The following C10orf90 variants were observed in gnomAD, a reference collection of about 807,000 sequenced individuals.
C10orf90 encodes the protein chromosome 10 open reading frame 90.
Under a neutral mutation model 62.5 loss-of-function variants are expected in C10orf90, and 56 were observed. The ratio of observed to expected loss-of-function variants is 0.90; its 90% confidence interval spans 0.72 to 1.12. The LOEUF (loss-of-function observed/expected upper bound fraction) is 1.12. C10orf90 is among the 50% of genes most tolerant of loss of function. The pLI, the probability that C10orf90 is intolerant of heterozygous loss-of-function variation, is 0.00. For synonymous variants in C10orf90, 386 were observed against 340.4 expected (o/e 1.13, Z -1.47); for missense variants, 970 against 880.4 (o/e 1.10, Z -1.29).
At chr10:126,666,857 G>T (rs1234395354) in intron 1 of C10orf90, among the ~76,000 whole-genome samples, 1 of 151,476 alleles carries the variant, frequency 6.6e-6, no homozygotes, top group Non-Finnish European at 1.5e-5. Context: ...GCGGGTGCTT[G>T]TAATCCCAGC....
At chr10:126,587,885 A>C (rs79099962) in intron 2 of C10orf90, among the ~76,000 whole-genome samples, 2,568 of 152,310 alleles carry the variant, frequency 0.017, 60 homozygotes, top group African/African-American at 0.059. Flanking sequence ...TTGAATTACA[A>C]TTGTGAGCCA....
At chr10:126,442,429 A>G (rs1858402564) in intron 7 of C10orf90, among the ~76,000 whole-genome samples, 1 of 135,434 alleles carries the variant, frequency 7.4e-6, no homozygotes, top group South Asian at 2.4e-4. Flanking sequence ...AATAGACCTA[A>G]GAAATGAGAC....
At chr10:126,585,288 A>C (rs80039854) in intron 2 of C10orf90, among the ~76,000 whole-genome samples, 231 of 150,648 alleles carry the variant, frequency 1.5e-3, no homozygotes, top group African/African-American at 5.4e-3. Flanking sequence ...AGAAACAAAG[A>C]AAGCAAGCAA....
rs138711314 is a variant in C10orf90 at position 126,443,068 on chromosome 10, A to C, written c.2189-13218T>G. Among the ~76,000 whole-genome samples, 1,144 of 152,206 alleles carry C rather than the reference A, an allele frequency of 7.5e-3. 11 individuals carry two copies. Among genetic ancestry groups the C allele is most frequent in the African/African-American group, 0.026 (1,074 of 41,550 alleles). ...CCTACATCAAAAAGACTGAAAGAGC[A>C]CAAACTGACATTCTAACGTCGTCAC... On this transcript the variant is annotated intron_variant, in intron 7 of 9. Transcript: ENST00000488181.
At chr10:126,615,616 CT>C (rs772869061) in intron 2 of C10orf90, among the ~76,000 whole-genome samples, 4 of 152,236 alleles carry the variant, frequency 2.6e-5, no homozygotes, top group Non-Finnish European at 5.9e-5. Context: ...CCCCCCTAAG[CT>C]TTCTTTCAGT....
At chr10:126,557,995 C>T (rs1056648579) in intron 2 of C10orf90, among the ~76,000 whole-genome samples, 8 of 152,148 alleles carry the variant, frequency 5.3e-5, no homozygotes, top group African/African-American at 1.7e-4. Flanking sequence ...GCCAATGATG[C>T]AGTCCTGCTG....
chr10:126,436,662 T>A (rs901815724), intron 7 of C10orf90, among the ~76,000 whole-genome samples: 2 of 152,278 alleles, frequency 1.3e-5, no homozygotes, highest in South Asian at 2.1e-4. Flanking sequence ...AATCATTTTT[T>A]AAAAACTTTT....
chr10:126,428,038 T>C lies in C10orf90; in HGVS notation c.2252+1749A>G, dbSNP rs576463691. ...TCCCAAATAAATCATGGTCCATCTA[T>C]ACGATGGACCACTCTGCAGACAGTC... On this transcript the variant is annotated intron_variant, in intron 8 of 9. Coordinates refer to ENST00000488181, the MANE Select transcript of C10orf90 (RefSeq NM_001350921.2). Among the ~76,000 whole-genome samples the C allele has an allele frequency of 1.9e-4, 29 of 152,264 alleles. 1 individual carries two copies. In the South Asian group the frequency reaches 5.6e-3, roughly 29 times the overall value.
At chr10:126,670,192 C>A in intron 1 of C10orf90, 49 bp downstream of exon 1, 1 of 448,770 alleles carries the variant, frequency 2.2e-6, no homozygotes, top group Non-Finnish European at 4.5e-6. Flanking sequence ...ACGTCCATCT[C>A]TCTCTGAGTC....
chr10:126,430,044 T>C (rs140420380), intron 7 of C10orf90, among the ~76,000 whole-genome samples, 194 bp from the exon 8 acceptor site: 2 of 152,348 alleles, frequency 1.3e-5, no homozygotes, highest in East Asian at 3.9e-4. Flanking sequence ...GGTTTGGTCT[T>C]GACAATAGTT....
Position 126,459,024 on chromosome 10 carries a change from G to A in C10orf90, c.2188+16C>T. 4 of 1,606,812 alleles carry A rather than the reference G, an allele frequency of 2.5e-6. No homozygotes were observed. Among genetic ancestry groups the A allele is most frequent in the East Asian group, 2.2e-5 (1 of 44,756 alleles). On this transcript the variant is annotated intron_variant, in intron 7 of 9. Transcript: ENST00000488181. Reference sequence around the variant, plus strand: ...CCCTGGTCTTTTCCAGTCTCCACAAGCCACCTGCAGCTTACCACTCAGAGG... The same window carrying A: ...CCCTGGTCTTTTCCAGTCTCCACAAACCACCTGCAGCTTACCACTCAGAGG...
chr10:126,563,045 T>G (rs1015526837), intron 2 of C10orf90, among the ~76,000 whole-genome samples: 1 of 152,192 alleles, frequency 6.6e-6, no homozygotes, highest in Admixed American at 6.5e-5. Flanking sequence ...TGATGTCACA[T>G]TGATGACTTG....
chr10:126,542,704 T>TAC (rs200615586), intron 2 of C10orf90, among the ~76,000 whole-genome samples: 1 of 152,004 alleles, frequency 6.6e-6, no homozygotes, highest in South Asian at 2.1e-4. Context: ...GCATGGCAAA[T>TAC]ACACACACAC....
At chr10:126,454,949 T>G (rs1398512527) in intron 7 of C10orf90, among the ~76,000 whole-genome samples, 2 of 151,992 alleles carry the variant, frequency 1.3e-5, no homozygotes, top group Non-Finnish European at 2.9e-5. Context: ...GTCGGAGACT[T>G]GAAATCAAAG....
intron 7 of C10orf90, among the ~76,000 whole-genome samples, chr10:126,442,499 A>ATATATATATATATATATATG (rs1171760972): frequency 1.5e-4 from 17 of 111,848 alleles, no homozygotes; most frequent in Middle Eastern, 4.4e-3. Context: ...ATATATATAT[A>ATATATATATATATATATATG]TATATATATC....
intron 4 of C10orf90, among the ~76,000 whole-genome samples, chr10:126,497,049 CA>C (rs1229045627): frequency 2.0e-5 from 3 of 152,194 alleles, no homozygotes; most frequent in Non-Finnish European, 4.4e-5. Flanking sequence ...ATCGCAGAAC[CA>C]GAGAAGAGCC....
At chr10:126,579,705 C>A (rs1353180583) in intron 2 of C10orf90, among the ~76,000 whole-genome samples, 1 of 151,738 alleles carries the variant, frequency 6.6e-6, no homozygotes, top group Non-Finnish European at 1.5e-5. Flanking sequence ...TGAAATCTAC[C>A]ATCACTTTCT....
chr10:126,577,843 C>T (rs1267328812), intron 2 of C10orf90, among the ~76,000 whole-genome samples: 1 of 152,062 alleles, frequency 6.6e-6, no homozygotes, highest in African/African-American at 2.4e-5. Context: ...AACAGACCCT[C>T]TCCTAATTTA....
chr10:126,579,198 C>T (rs1454928216), intron 2 of C10orf90, among the ~76,000 whole-genome samples: 1 of 152,068 alleles, frequency 6.6e-6, no homozygotes, highest in Admixed American at 6.5e-5. Context: ...CCTTATCAAT[C>T]ATTTACATAC....
Sources: allele counts gnomAD v4.1 joint callset (sites outside exome capture counted in the v4.1 genomes callset), GRCh38; gene constraint gnomAD v4.1.1; transcripts MANE v1.5; gene names NCBI Gene and HGNC (gene_info 2026-07-23, HGNC 2026-07-21).